Variants in RAB38 observed in about 807,000 individuals in gnomAD.
RAB38 encodes RAB38, member RAS oncogene family, also known as ras-related protein Rab-38.
Under a neutral mutation model 18.4 loss-of-function variants are expected in RAB38, and 15 were observed. The ratio of observed to expected loss-of-function variants is 0.82; its 90% CI spans 0.55 to 1.26. The LOEUF (loss-of-function observed/expected upper bound fraction) is 1.26, where lower values mean the gene tolerates loss of function less well. RAB38 is among the 50% of genes most tolerant of loss of function. The probability of loss-of-function intolerance (pLI) is 0.00; values close to 1 mark genes in which losing one functional copy is unlikely to be tolerated. For synonymous variants in RAB38, 101 were observed against 104.4 expected (o/e 0.97, Z 0.20); for missense variants, 294 against 267.4 (o/e 1.10, Z -0.69).
the RAB38 span, among the ~76,000 whole-genome samples, chr11:88,040,978 C>A: frequency 1.3e-5 from 2 of 152,220 alleles, no homozygotes; most frequent in African/African-American, 2.4e-5. Context: ...TGCTTCAGAA[C>A]TTTGTGTTAA....
the RAB38 span, among the ~76,000 whole-genome samples, chr11:87,877,578 A>G: frequency 2.0e-5 from 3 of 151,386 alleles, no homozygotes; most frequent in Admixed American, 6.6e-5. Context: ...TATCCAATCT[A>G]TTACAAAATT....
rs539714304 is a variant in RAB38 at position 88,145,869 on chromosome 11, G to A, written c.483+3806C>T. 2.2e-4 allele frequency among the ~76,000 whole-genome samples: 33 copies of A among 152,168 alleles called. No homozygotes were observed. In the East Asian group the frequency reaches 6.0e-3, roughly 28 times the overall value. On this transcript the variant is annotated intron_variant, in intron 2 of 2. Transcript: ENST00000243662. ...CAGGTATAAACCAGGAATTTGGGGG[G>A]CAAAATGGGACACATGATTACCCCA...
the RAB38 span, among the ~76,000 whole-genome samples, chr11:88,046,819 C>T: frequency 1.3e-5 from 2 of 152,084 alleles, no homozygotes; most frequent in Non-Finnish European, 2.9e-5. Flanking sequence ...CCCCATAGAT[C>T]CTAAATCCTT....
intron 2 of RAB38, among the ~76,000 whole-genome samples, chr11:88,135,346 C>G (rs150097596): frequency 6.6e-6 from 1 of 152,312 alleles, no homozygotes; most frequent in East Asian, 1.9e-4. Flanking sequence ...GGGATTTTAT[C>G]TATTTTGTCC....
chr11:87,883,360 C>T, the RAB38 span, among the ~76,000 whole-genome samples: 1 of 151,866 alleles, frequency 6.6e-6, no homozygotes, highest in Non-Finnish European at 1.5e-5. Flanking sequence ...CAGTTCAAAC[C>T]TCACGTTTGA....
the RAB38 span, among the ~76,000 whole-genome samples, chr11:88,018,143 C>T: frequency 3.3e-5 from 5 of 152,178 alleles, no homozygotes; most frequent in Admixed American, 1.3e-4. Context: ...AGCGTAAAAA[C>T]GGAGTAATGC....
intron 1 of RAB38, among the ~76,000 whole-genome samples, chr11:88,167,885 T>C (rs552437570): frequency 6.6e-6 from 1 of 152,240 alleles, no homozygotes; most frequent in East Asian, 1.9e-4. Flanking sequence ...CCAGGAGCAA[T>C]AGGTCCACTG....
At chr11:88,011,894 G>A in the RAB38 span, among the ~76,000 whole-genome samples, 2 of 152,158 alleles carry the variant, frequency 1.3e-5, no homozygotes, top group African/African-American at 2.4e-5. Flanking sequence ...AAGGCACACT[G>A]TCTTTTGAGT....
chr11:87,960,211 A>G, the RAB38 span, among the ~76,000 whole-genome samples: 87 of 152,222 alleles, frequency 5.7e-4, 1 homozygote, highest in African/African-American at 2.0e-3. Context: ...GCTTATTACA[A>G]TGCAGATTCC....
the RAB38 span, among the ~76,000 whole-genome samples, chr11:87,887,059 C>T: frequency 6.6e-6 from 1 of 151,904 alleles, no homozygotes; most frequent in African/African-American, 2.4e-5. Flanking sequence ...CCATGGGGGC[C>T]TTTGTGCTAG....
At chr11:87,895,213 C>T in the RAB38 span, among the ~76,000 whole-genome samples, 1 of 92,450 alleles carries the variant, frequency 1.1e-5, no homozygotes, top group Non-Finnish European at 2.1e-5. Flanking sequence ...AAGTTGAATG[C>T]CATTAAACAT....
chr11:88,027,723 C>G, the RAB38 span, among the ~76,000 whole-genome samples: 1 of 152,248 alleles, frequency 6.6e-6, no homozygotes, highest in African/African-American at 2.4e-5. Context: ...AGCTGGGAAG[C>G]TCCAACTGGG....
At chr11:87,904,455 G>T in the RAB38 span, among the ~76,000 whole-genome samples, 2 of 151,734 alleles carry the variant, frequency 1.3e-5, no homozygotes, top group Non-Finnish European at 2.9e-5. Flanking sequence ...GTATTCTATT[G>T]TGTATTTTTA....
the RAB38 span, among the ~76,000 whole-genome samples, chr11:87,808,139 A>C: frequency 2.0e-5 from 3 of 152,182 alleles, no homozygotes; most frequent in African/African-American, 7.2e-5. Flanking sequence ...ATTACAGAAA[A>C]AGTATGAAGA....
chr11:88,131,087 T>C (rs1471308426), intron 2 of RAB38, among the ~76,000 whole-genome samples: 1 of 152,170 alleles, frequency 6.6e-6, no homozygotes, highest in Non-Finnish European at 1.5e-5. Context: ...ATCATTACAT[T>C]ATTTAAAATA....
At chr11:87,907,354 A>G in the RAB38 span, among the ~76,000 whole-genome samples, 2 of 151,852 alleles carry the variant, frequency 1.3e-5, no homozygotes, top group Non-Finnish European at 1.5e-5. Context: ...CTAAATATCT[A>G]TTCTAAATAT....
the RAB38 span, among the ~76,000 whole-genome samples, chr11:88,028,598 C>A: frequency 6.6e-6 from 1 of 152,034 alleles, no homozygotes; most frequent in Non-Finnish European, 1.5e-5. Context: ...GCCTCAGGAG[C>A]CGATGCGATC....
At chr11:87,938,738 A>T in the RAB38 span, among the ~76,000 whole-genome samples, 1 of 149,990 alleles carries the variant, frequency 6.7e-6, no homozygotes. Flanking sequence ...GCATTTCCAG[A>T]TTGATGGGTT....
the RAB38 span, among the ~76,000 whole-genome samples, chr11:87,948,624 A>T: frequency 3.3e-5 from 5 of 151,868 alleles, no homozygotes; most frequent in Non-Finnish European, 7.4e-5. Context: ...GAATTTTGTG[A>T]AAGGACTTTT....
Sources: gnomAD v4.1 joint callset for allele counts (sites outside exome capture counted in the v4.1 genomes callset) on GRCh38, gnomAD v4.1.1 for gene constraint, MANE v1.5 for transcripts, NCBI Gene and HGNC (gene_info 2026-07-23, HGNC 2026-07-21) for gene names.